Variants in ZNF639 observed in about 807,000 individuals in gnomAD.
The protein encoded by ZNF639 is zinc finger amplified in esophageal squamous cell carcinomas 1.
Under a neutral mutation model 39.8 loss-of-function variants are expected in ZNF639, and 20 were observed. The ratio of observed to expected loss-of-function variants is 0.50; its 90% CI spans 0.35 to 0.73. The LOEUF is 0.73. Ranked by LOEUF, ZNF639 falls within the 30% of genes least tolerant of loss-of-function variation. The probability of loss-of-function intolerance (pLI) is 0.00; values close to 1 mark genes in which losing one functional copy is unlikely to be tolerated. For synonymous variants in ZNF639, 176 were observed against 189.8 expected (o/e 0.93, Z 0.60); for missense variants, 477 against 566.2 (o/e 0.84, Z 1.60).
At chr3:179,331,775 C>CA (rs56708873) in intron 4 of ZNF639, among the ~76,000 whole-genome samples, 15,521 of 80,338 alleles carry the variant, frequency 0.19, 1,494 homozygotes, top group Admixed American at 0.24. Flanking sequence ...AACTCCATCT[C>CA]AAAAAAAAAA....
chr3:179,329,439 A>G (rs887273471), intron 3 of ZNF639, among the ~76,000 whole-genome samples, 179 bp from the exon 4 acceptor site: 1 of 152,240 alleles, frequency 6.6e-6, no homozygotes, highest in Non-Finnish European at 1.5e-5. Context: ...GGTTCTTTCA[A>G]AGTCCTATGT....
rs529699789 is a variant in ZNF639, at chr3:179,333,650, G to A, written c.686G>A (p.Arg229His). ...LKQHMILKHK[R>H]TDSNVCRVCK... ...CAGCATATGATCCTGAAGCATAAAC[G>A]TACTGATTCAAATGTGTGTCGAGTA... The change falls in exon 6 of 6, where the codon CGT becomes CAT. Residue 229 changes from arginine (R) to histidine (H), a missense_variant. Arg to His is a conservative substitution (Grantham distance 29). Transcript: ENST00000496856. 2.0e-5 allele frequency: 32 copies of A among 1,614,114 alleles called. No individual in the cohort carries two copies. The highest frequency in any genetic ancestry group is 1.6e-4 in the Middle Eastern group (1 of 6,062).
In ZNF639 at chr3:179,338,348, A is replaced by C. The variant is rs1302117214; in HGVS notation, c.*3926A>C. 1.3e-5 allele frequency: 2 copies of C among 152,190 alleles called. No homozygotes were observed. Among genetic ancestry groups the C allele is most frequent in the Non-Finnish European group, 2.9e-5 (2 of 68,036 alleles). 9.4% of individuals were successfully genotyped at this position (152,190 alleles called of 1,614,324 possible). On this transcript the variant is annotated 3_prime_UTR_variant, in exon 6 of 6. Coordinates refer to ENST00000496856, the MANE Select transcript of ZNF639 (RefSeq NM_001303426.2). Reference sequence around the variant, plus strand: ...ACAATGAGTTATTTTGAAATTCCAAAACATTTCCCTGTATTCCAGAAATTG... The same window carrying C: ...ACAATGAGTTATTTTGAAATTCCAACACATTTCCCTGTATTCCAGAAATTG...
In ZNF639 at chr3:179,334,495, A is replaced by G; in HGVS notation, c.*73A>G. On this transcript the variant is annotated 3_prime_UTR_variant, in exon 6 of 6. Transcript: ENST00000496856. Reference sequence around the variant, plus strand: ...CCTTTTTTTGGAGATGATTAAATGGATGATTGTAAACACAACTTATGAAAT... The same window carrying G: ...CCTTTTTTTGGAGATGATTAAATGGGTGATTGTAAACACAACTTATGAAAT... 1.7e-6 allele frequency: 2 copies of G among 1,209,188 alleles called. No homozygotes were observed. The highest frequency in any genetic ancestry group is 1.1e-6 in the Non-Finnish European group (1 of 897,990). The allele number at this position is 1,209,188 out of a possible 1,614,324, so 74.9% of individuals were successfully genotyped here. A position where few individuals can be genotyped will look rare whatever the true frequency, so the allele number is the denominator to read the frequency against.
At chr3:179,327,422 A>G (rs1174181930) in intron 1 of ZNF639, 139 bp from the exon 2 acceptor site, 1 of 152,214 alleles carries the variant, frequency 6.6e-6, no homozygotes, top group East Asian at 1.9e-4. Flanking sequence ...AGTATGTAGT[A>G]CATTGTTTTC....
In ZNF639 at chr3:179,336,180, C is replaced by T. The variant is rs575131545; in HGVS notation, c.*1758C>T. The T allele has an allele frequency of 3.9e-5, 6 of 152,230 alleles. No homozygotes were observed. The highest frequency in any genetic ancestry group is 8.8e-5 in the Non-Finnish European group (6 of 68,038). The allele number at this position is 152,230 out of a possible 1,614,324, so 9.4% of individuals were successfully genotyped here. On this transcript the variant is annotated 3_prime_UTR_variant, in exon 6 of 6. Coordinates refer to ENST00000496856, the MANE Select transcript of ZNF639 (RefSeq NM_001303426.2). ...CCTTTTAACTTAAAGACCTGATCTC[C>T]AAATAAGGTCATATTCTAAGGTGCT... is the stretch of plus-strand genomic sequence containing the variant.
intron 4 of ZNF639, 54 bp downstream of exon 4, chr3:179,329,782 A>C: frequency 2.1e-6 from 2 of 930,402 alleles, no homozygotes; most frequent in South Asian, 3.6e-5. Context: ...TACATTTTTT[A>C]TTCCTTACTT....
Position 179,333,888 on chromosome 3 carries a change from C to T in ZNF639, c.924C>T (p.Phe308=), listed in dbSNP as rs1728066787. 6.2e-7 allele frequency: 1 copy of T among 1,614,038 alleles called. No individual in the cohort carries two copies. Among genetic ancestry groups the T allele is most frequent in the African/African-American group, 1.3e-5 (1 of 74,922 alleles). Residue 308 remains phenylalanine (F), a synonymous_variant, in exon 6 of 6, where the codon TTC becomes TTT. Coordinates refer to ENST00000496856, the MANE Select transcript of ZNF639 (RefSeq NM_001303426.2). ...CAAGCAGTGAACTCTACCTACATTT[C>T]CAGGAGCACAGCTGTGATGAACAGT... ...FSSSSELYLH[F]QEHSCDEQYL...
chr3:179,328,556 A>G (rs1476530701), intron 3 of ZNF639, among the ~76,000 whole-genome samples: 2 of 152,216 alleles, frequency 1.3e-5, no homozygotes, highest in African/African-American at 2.4e-5. Context: ...CAGACATTAT[A>G]TTATTCCTCA....
chr3:179,324,431 T>C (rs1283447183), intron 1 of ZNF639, among the ~76,000 whole-genome samples: 2 of 152,212 alleles, frequency 1.3e-5, no homozygotes, highest in African/African-American at 4.8e-5. Flanking sequence ...GGGACTGTGA[T>C]AGGTTGCTTG....
chr3:179,328,205 T>G, intron 2 of ZNF639, 78 bp from the exon 3 acceptor site: 1 of 801,938 alleles, frequency 1.2e-6, no homozygotes, highest in Non-Finnish European at 2.0e-6. Flanking sequence ...TGCCAATAAA[T>G]TCTTCAGTTA....
Position 179,338,130 on chromosome 3 carries a change from GTTTTGTTTTGTT to G in ZNF639, c.*3723_*3734del, listed in dbSNP as rs907756704. The G allele has an allele frequency of 1.1e-4, 17 of 151,956 alleles. No homozygotes were observed. The highest frequency in any genetic ancestry group is 9.2e-4 in the Admixed American group (14 of 15,178). The allele number at this position is 151,956 out of a possible 1,614,324, so 9.4% of individuals were successfully genotyped here. On this transcript the variant is annotated 3_prime_UTR_variant, in exon 6 of 6. Coordinates refer to ENST00000496856, the MANE Select transcript of ZNF639 (RefSeq NM_001303426.2). The stretch of plus-strand genomic sequence containing the variant: ...CTACCTAAAAAAATTAACACTCCTG[GTTTTGTTTTGTT>G]TTTTGTTTTGTTTTACTTCAGAGAC...
intron 1 of ZNF639, among the ~76,000 whole-genome samples, chr3:179,327,096 A>G (rs1027182424): frequency 2.2e-4 from 34 of 152,164 alleles, no homozygotes; most frequent in African/African-American, 7.2e-4. Flanking sequence ...AGGCTGAGGC[A>G]GGAGAATCGC....
intron 1 of ZNF639, among the ~76,000 whole-genome samples, chr3:179,324,305 A>G (rs973234955): frequency 2.0e-5 from 3 of 152,200 alleles, no homozygotes; most frequent in Non-Finnish European, 4.4e-5. Context: ...TTGGTTGAAA[A>G]AAATGACAGG....
At chr3:179,329,528 T>G in intron 3 of ZNF639, 90 bp from the exon 4 acceptor site, 1 of 728,876 alleles carries the variant, frequency 1.4e-6, no homozygotes, top group South Asian at 1.8e-5. Flanking sequence ...TAATTAACAT[T>G]AAGAACATTT....
chr3:179,326,296 G>A (rs1158649531), intron 1 of ZNF639, among the ~76,000 whole-genome samples: 1 of 152,136 alleles, frequency 6.6e-6, no homozygotes, highest in Non-Finnish European at 1.5e-5. Context: ...GGGAGGCAGA[G>A]GTTGCAATGA....
At chr3:179,323,462 C>T (rs187928584) in intron 1 of ZNF639, among the ~76,000 whole-genome samples, 171 bp downstream of exon 1, 1,537 of 152,286 alleles carry the variant, frequency 0.01, 12 homozygotes, top group Non-Finnish European at 0.015. Context: ...ATCCCGAAGG[C>T]AGTTCCACCC....
chr3:179,330,959 G>T (rs1056362659), intron 4 of ZNF639, among the ~76,000 whole-genome samples: 3 of 152,214 alleles, frequency 2.0e-5, no homozygotes, highest in Non-Finnish European at 4.4e-5. Context: ...AGCTGAGAGG[G>T]GCTAAAAGAA....
In ZNF639 at chr3:179,333,603, CA is replaced by C; in HGVS notation, c.642del (p.Lys214AsnfsTer6). 1 of 1,614,074 alleles carries C rather than the reference CA, an allele frequency of 6.2e-7. No homozygotes were observed. The part of the protein sequence containing the change: ...YKCELCEFNS[K>X]YFSDLKQHMI... ...AATGTGAACTTTGTGAGTTTAACAGCAAATATTTTTCTGACTTAAAGCAGCA... is the reference window on the plus strand; with the variant it reads ...AATGTGAACTTTGTGAGTTTAACAGCAATATTTTTCTGACTTAAAGCAGCA... On this transcript the variant is annotated frameshift_variant, in exon 6 of 6. Transcript: ENST00000496856. LOFTEE classifies it high-confidence loss of function.
Sources: gnomAD v4.1 joint callset for allele counts (sites outside exome capture counted in the v4.1 genomes callset) on GRCh38, gnomAD v4.1.1 for gene constraint, MANE v1.5 for transcripts, NCBI Gene and HGNC (gene_info 2026-07-23, HGNC 2026-07-21) for gene names.